The following CERT1 variants were observed in gnomAD, a reference collection of about 807,000 sequenced individuals.
The protein encoded by CERT1 is ceramide transfer protein.
In CERT1, 31 loss-of-function variants were observed where a neutral mutation model predicts 87.9. That is an observed-to-expected ratio of 0.35 (90% CI 0.27 to 0.48). The LOEUF (loss-of-function observed/expected upper bound fraction) is 0.48. Ranked by LOEUF, CERT1 falls within the 20% of genes least tolerant of loss-of-function variation. The probability of loss-of-function intolerance (pLI) is 0.99; values close to 1 mark genes in which losing one functional copy is unlikely to be tolerated. For synonymous variants in CERT1, 289 were observed against 250.9 expected, an observed-to-expected ratio of 1.15 and a Z score of -1.44; for missense variants, 487 against 758.0, an observed-to-expected ratio of 0.64 and a Z score of 4.20.
chr5:75,446,460 A>G (rs1736406423), intron 3 of CERT1, among the ~76,000 whole-genome samples: 1 of 152,104 alleles, frequency 6.6e-6, no homozygotes, highest in Non-Finnish European at 1.5e-5. Flanking sequence ...TAGCTGCTTT[A>G]AAGTCTTTTG....
chr5:75,458,993 CT>C (rs1402887095), intron 3 of CERT1, 71 bp downstream of exon 3: 464 of 774,848 alleles, frequency 6.0e-4, no homozygotes, highest in Non-Finnish European at 7.4e-4. Context: ...CACATGTCAA[CT>C]TTTTTTTTAA....
At chr5:75,393,757 A>T (rs1762130021) in intron 11 of CERT1, among the ~76,000 whole-genome samples, 1 of 151,578 alleles carries the variant, frequency 6.6e-6, no homozygotes, top group Admixed American at 6.6e-5. Context: ...CGAGGTCAAG[A>T]GATAGAGACC....
rs58587061 is a variant in CERT1, at chr5:75,467,650, G to GAAA, written c.232-8472_232-8470dup. On this transcript the variant is annotated intron_variant, in intron 2 of 16. Coordinates refer to ENST00000643780, the MANE Select transcript of CERT1 (RefSeq NM_001379029.1). ...AGTGAGACTCTGTCTCCAAAAAAAAGAAAAAAAAAAAAAAAAAGTAGCATA... is the reference window on the plus strand; with the variant it reads ...AGTGAGACTCTGTCTCCAAAAAAAAGAAAAAAAAAAAAAAAAAAAAGTAGCATA... Among the ~76,000 whole-genome samples, 72 of 132,970 alleles carry GAAA rather than the reference G, an allele frequency of 5.4e-4. 3 individuals carry two copies. In the South Asian group the frequency reaches 6.6e-3, roughly 12 times the overall value. 87.2% of individuals were successfully genotyped at this position (132,970 alleles called of 152,430 possible). A position where few individuals can be genotyped will look rare whatever the true frequency, so the allele number is the denominator to read the frequency against.
chr5:75,398,486 G>A (rs1762344234), intron 11 of CERT1, among the ~76,000 whole-genome samples: 1 of 152,132 alleles, frequency 6.6e-6, no homozygotes, highest in Non-Finnish European at 1.5e-5. Context: ...TTTAAACTGA[G>A]TCATTCTGAC....
intron 2 of CERT1, among the ~76,000 whole-genome samples, chr5:75,491,054 C>T (rs1390253881): frequency 2.6e-5 from 4 of 151,988 alleles, no homozygotes; most frequent in East Asian, 1.9e-4. Context: ...AGTAGTTTTA[C>T]GGGATTAGAG....
chr5:75,477,141 A>C (rs1468713730), intron 2 of CERT1, among the ~76,000 whole-genome samples: 1 of 152,074 alleles, frequency 6.6e-6, no homozygotes, highest in Admixed American at 6.6e-5. Context: ...TTGGAATCTT[A>C]TTTTCCCCCC....
At chr5:75,419,036 A>G (rs554692017) in intron 6 of CERT1, among the ~76,000 whole-genome samples, 2 of 152,356 alleles carry the variant, frequency 1.3e-5, no homozygotes, top group South Asian at 4.1e-4. Context: ...CAGAACTGAG[A>G]ATCCAGAAAT....
chr5:75,476,984 T>C (rs909741420), intron 2 of CERT1, among the ~76,000 whole-genome samples: 2 of 152,228 alleles, frequency 1.3e-5, no homozygotes, highest in Non-Finnish European at 2.9e-5. Context: ...AACCTTGAGC[T>C]GTTCCTTTAA....
chr5:75,401,466 T>A (rs1397543769), intron 9 of CERT1: 1 of 152,068 alleles, frequency 6.6e-6, no homozygotes, highest in East Asian at 1.9e-4. Flanking sequence ...AAACTAAGAG[T>A]AAGACTGAGG....
At chr5:75,388,640 A>ATATATATATATATATC (rs1491495747) in intron 12 of CERT1, among the ~76,000 whole-genome samples, 1 of 109,910 alleles carries the variant, frequency 9.1e-6, no homozygotes, top group African/African-American at 3.4e-5. Context: ...ATATATATAT[A>ATATATATATATATATC]TCTCACACAG....
chr5:75,446,719 G>T (rs1205414896), intron 3 of CERT1, among the ~76,000 whole-genome samples: 1 of 152,188 alleles, frequency 6.6e-6, no homozygotes, highest in African/African-American at 2.4e-5. Flanking sequence ...GCCTGAGGTG[G>T]AAAGGTAAGG....
chr5:75,377,463 A>G (rs1041430944), downstream of CERT1: 2 of 152,254 alleles, frequency 1.3e-5, no homozygotes, highest in African/African-American at 4.8e-5. Flanking sequence ...GAAATTGGAA[A>G]CTGTAATATT....
chr5:75,406,649 C>T (rs945791276), intron 8 of CERT1, among the ~76,000 whole-genome samples: 1 of 151,740 alleles, frequency 6.6e-6, no homozygotes, highest in African/African-American at 2.4e-5. Flanking sequence ...AAGCAATTCT[C>T]CTGCCTCAGA....
Position 75,444,548 on chromosome 5 carries a change from CTTTTTTTT to C in CERT1, c.348+14509_348+14516del, listed in dbSNP as rs952234196. 5.4e-5 allele frequency among the ~76,000 whole-genome samples: 7 copies of C among 128,784 alleles called. No individual in the cohort carries two copies. In the East Asian group the frequency reaches 1.1e-3, roughly 20 times the overall value. The allele number at this position is 128,784 out of a possible 152,430, so 84.5% of individuals were successfully genotyped here. A position where few individuals can be genotyped will look rare whatever the true frequency, so the allele number is the denominator to read the frequency against. Reference sequence around the variant, plus strand: ...GTTTAGTTGATTTTGCTTTTCTTTTCTTTTTTTTTTTTTTTTTTGAGACAGAGTCTCAT... The same window carrying C: ...GTTTAGTTGATTTTGCTTTTCTTTTCTTTTTTTTTTGAGACAGAGTCTCAT... On this transcript the variant is annotated intron_variant, in intron 3 of 16. Transcript: ENST00000643780.
intron 3 of CERT1, among the ~76,000 whole-genome samples, chr5:75,437,437 A>T (rs573373803): frequency 6.6e-6 from 1 of 152,310 alleles, no homozygotes; most frequent in South Asian, 2.1e-4. Context: ...TCATTTAAAT[A>T]AGTTTCATTA....
chr5:75,452,815 C>T (rs1262271258), intron 3 of CERT1, among the ~76,000 whole-genome samples: 2 of 152,026 alleles, frequency 1.3e-5, no homozygotes, highest in African/African-American at 4.8e-5. Context: ...TGAAAGATGG[C>T]TAAGATATTT....
chr5:75,406,577 G>A (rs1762714325), intron 8 of CERT1, among the ~76,000 whole-genome samples: 1 of 150,064 alleles, frequency 6.7e-6, no homozygotes, highest in African/African-American at 2.5e-5. Context: ...GTCTCAGTTG[G>A]TTGCCCAGGC....
chr5:75,384,627 T>G lies in CERT1; in HGVS notation c.1488+15A>C, dbSNP rs1761714095. Reference sequence around the variant, plus strand: ...TACATTGAAATCCTTTTAGGATGAATGAAGAGATCTTTACCTTGTGTGTTT... The same window carrying G: ...TACATTGAAATCCTTTTAGGATGAAGGAAGAGATCTTTACCTTGTGTGTTT... On this transcript the variant is annotated intron_variant, in intron 14 of 16. Coordinates refer to ENST00000643780, the MANE Select transcript of CERT1 (RefSeq NM_001379029.1). 6.4e-7 allele frequency: 1 copy of G among 1,556,356 alleles called. No individual in the cohort carries two copies. Among genetic ancestry groups the G allele is most frequent in the African/African-American group, 1.4e-5 (1 of 73,766 alleles).
At chr5:75,393,602 T>TTAAAAAAAAAAAAAAAAAAAAAAAAAAA (rs1179766169) in intron 11 of CERT1, among the ~76,000 whole-genome samples, 1 of 32,770 alleles carries the variant, frequency 3.1e-5, no homozygotes, top group East Asian at 1.1e-3. Flanking sequence ...CTCATCTACT[T>TTAAAAAAAAAAAAAAAAAAAAAAAAAAA]AAAAAAAAAA....
Sources: allele counts gnomAD v4.1 joint callset (sites outside exome capture counted in the v4.1 genomes callset), GRCh38; gene constraint gnomAD v4.1.1; transcripts MANE v1.5; gene names NCBI Gene and HGNC (gene_info 2026-07-23, HGNC 2026-07-21).